The following DMD variants were observed in gnomAD, a reference collection of about 807,000 sequenced individuals.
DMD encodes dystrophin, also known as mutant dystrophin.
A neutral mutation model predicts 330.1 loss-of-function variants in DMD; 63 were observed. That is an observed-to-expected ratio of 0.19 (90% confidence interval 0.16 to 0.24). DMD has a LOEUF of 0.24. Among genes scored for constraint, DMD ranks in the 10% least tolerant of loss-of-function variants. The pLI is 1.00. For synonymous variants in DMD, 1,223 were observed against 959.8 expected, an observed-to-expected ratio of 1.27 and a Z score of -5.07; for missense variants, 3,344 against 2,684.1, an observed-to-expected ratio of 1.25 and a Z score of -5.43.
intron 7 of DMD, among the ~76,000 whole-genome samples, chrX:32,715,111 A>C (rs1373609651): frequency 9.1e-6 from 1 of 110,320 alleles, no homozygotes; most frequent in Admixed American, 9.7e-5. Flanking sequence ...TCCTCCTTCC[A>C]CCCCCAACCT....
chrX:32,256,327 T>C (rs2097298754), intron 43 of DMD, among the ~76,000 whole-genome samples: 1 of 110,496 alleles, frequency 9.1e-6, no homozygotes, highest in African/African-American at 3.3e-5. Context: ...TTTTTTTATT[T>C]TTTTTAATTT....
At chrX:31,725,589 A>T in intron 52 of DMD, among the ~76,000 whole-genome samples, 2 of 112,186 alleles carry the variant, frequency 1.8e-5, no homozygotes, top group Middle Eastern at 4.6e-3. Flanking sequence ...GTTATAAGTG[A>T]GCCTATTTTA....
intron 1 of DMD, among the ~76,000 whole-genome samples, chrX:33,118,585 A>G (rs1246029372): frequency 2.7e-5 from 3 of 112,027 alleles, no homozygotes; most frequent in Non-Finnish European, 5.6e-5. Context: ...AAAGATTTAA[A>G]GTCGACCTGA....
intron 9 of DMD, among the ~76,000 whole-genome samples, chrX:32,651,401 C>A (rs2060145269): frequency 8.9e-6 from 1 of 111,804 alleles, no homozygotes; most frequent in Non-Finnish European, 1.9e-5. Context: ...CCTCAGCCTC[C>A]CAAAGTGCTG....
chrX:32,454,601 ATTTC>A (rs1208924055), intron 26 of DMD, 57 bp downstream of exon 26: 3 of 973,306 alleles, frequency 3.1e-6, no homozygotes, highest in South Asian at 2.1e-5. Context: ...GCATTGTTGC[ATTTC>A]TTTCTTTTTC....
intron 25 of DMD, among the ~76,000 whole-genome samples, chrX:32,458,403 A>G: frequency 8.9e-6 from 1 of 111,785 alleles, no homozygotes; most frequent in Middle Eastern, 4.6e-3. Flanking sequence ...GACAATATAC[A>G]TTTAGATTGT....
At chrX:32,109,406 A>G (rs1021850648) in intron 44 of DMD, among the ~76,000 whole-genome samples, 1 of 111,598 alleles carries the variant, frequency 9.0e-6, no homozygotes, top group Non-Finnish European at 1.9e-5. Context: ...GATATCCAAC[A>G]GAGACCTGTA....
At chrX:33,219,306 T>TTG (rs56332488) in intron 1 of DMD, among the ~76,000 whole-genome samples, 4,210 of 72,842 alleles carry the variant, frequency 0.058, 189 homozygotes, top group Admixed American at 0.16. Context: ...TTAGAGATTA[T>TTG]TGTGTGTGTG....
At chrX:33,288,542 C>G (rs2053468063) in intron 1 of DMD, among the ~76,000 whole-genome samples, 1 of 110,891 alleles carries the variant, frequency 9.0e-6, no homozygotes, top group African/African-American at 3.3e-5. Flanking sequence ...TGTGACATCC[C>G]CTCAAATTGT....
At chrX:31,598,749 G>C (rs1264791470) in intron 55 of DMD, among the ~76,000 whole-genome samples, 2 of 111,759 alleles carry the variant, frequency 1.8e-5, no homozygotes, top group Non-Finnish European at 3.8e-5. Flanking sequence ...TGTAGTATCT[G>C]AAATATCTGC....
rs17338884 is a variant in DMD at position 32,902,086 on chromosome X, T to G, written c.94-52266A>C. The stretch of plus-strand genomic sequence containing the variant: ...GTAATAATACATATCATACGAATGT[T>G]AAGAGTGCAATAGCAAAATAAAGAA... On this transcript the variant is annotated intron_variant, in intron 2 of 78. Coordinates refer to ENST00000357033, the MANE Select transcript of DMD (RefSeq NM_004006.3). Among the ~76,000 whole-genome samples the G allele has an allele frequency of 6.5e-3, 704 of 107,550 alleles. 30 individuals carry two copies. In the East Asian group the frequency reaches 0.14, roughly 22 times the overall value. The allele number at this position is 107,550 out of a possible 115,157, so 93.4% of individuals were successfully genotyped here.
chrX:31,344,354 T>C (rs779059851), intron 61 of DMD, among the ~76,000 whole-genome samples: 34 of 111,985 alleles, frequency 3.0e-4, no homozygotes, highest in African/African-American at 1.1e-3. Context: ...ATAATAAAGA[T>C]TGTGAAATAA....
chrX:31,202,251 G>A (rs1427625589), intron 67 of DMD, among the ~76,000 whole-genome samples: 1 of 112,042 alleles, frequency 8.9e-6, no homozygotes, highest in Non-Finnish European at 1.9e-5. Flanking sequence ...TTTATGGCAA[G>A]TTGTTTTATA....
intron 7 of DMD, among the ~76,000 whole-genome samples, chrX:32,788,608 A>G (rs1009400036): frequency 8.9e-6 from 1 of 112,053 alleles, no homozygotes; most frequent in Non-Finnish European, 1.9e-5. Flanking sequence ...TGCAGGCTCC[A>G]AAGTTCATTA....
At chrX:31,270,970 G>A (rs1046178183) in intron 62 of DMD, among the ~76,000 whole-genome samples, 2 of 111,768 alleles carry the variant, frequency 1.8e-5, no homozygotes, top group Admixed American at 1.9e-4. Flanking sequence ...TAGTCCTCAA[G>A]CTTGGCCGCC....
At chrX:31,661,117 T>C (rs1316500400) in intron 53 of DMD, among the ~76,000 whole-genome samples, 1 of 112,067 alleles carries the variant, frequency 8.9e-6, no homozygotes, top group Non-Finnish European at 1.9e-5. Context: ...CCAGAACTTT[T>C]TGATGTACTT....
At chrX:32,836,466 C>A (rs1603444553) in intron 4 of DMD, among the ~76,000 whole-genome samples, 1 of 111,497 alleles carries the variant, frequency 9.0e-6, no homozygotes, top group East Asian at 2.8e-4. Flanking sequence ...TTGTCTGGAT[C>A]ACATTCATAA....
At chrX:32,791,759 C>T (rs1056702014) in intron 7 of DMD, among the ~76,000 whole-genome samples, 5 of 111,665 alleles carry the variant, frequency 4.5e-5, no homozygotes, top group African/African-American at 1.6e-4. Context: ...CCATGAAATG[C>T]TTGCATTTTT....
chrX:32,153,756 C>T (rs922094654), intron 44 of DMD, among the ~76,000 whole-genome samples: 4 of 111,404 alleles, frequency 3.6e-5, no homozygotes, highest in South Asian at 7.5e-4. Context: ...TATAGCTTTA[C>T]GAATGGGCCA....
Sources: allele counts gnomAD v4.1 joint callset (sites outside exome capture counted in the v4.1 genomes callset), GRCh38; gene constraint gnomAD v4.1.1; transcripts MANE v1.5; gene names NCBI Gene and HGNC (gene_info 2026-07-23, HGNC 2026-07-21).